NFATC1: variants seen among roughly 807,000 people sequenced by gnomAD.
The protein encoded by NFATC1 is nuclear factor of activated T-cells, cytoplasmic 1.
A neutral mutation model predicts 76.0 loss-of-function variants in NFATC1; 22 were observed. That is an observed-to-expected ratio of 0.29 (90% CI 0.21 to 0.41). The LOEUF (loss-of-function observed/expected upper bound fraction) is 0.41, where lower values mean the gene tolerates loss of function less well. Among genes scored for constraint, NFATC1 ranks in the 10% least tolerant of loss-of-function variants. The pLI, the probability that NFATC1 is intolerant of heterozygous loss-of-function variation, is 1.00. For missense variants in NFATC1, 1,357 were observed against 1,337.7 expected, an observed-to-expected ratio of 1.01 and a Z score of -0.23; for synonymous variants, 704 against 613.1, an observed-to-expected ratio of 1.15 and a Z score of -2.19.
rs1018326134 is a variant in NFATC1 at position 79,452,585 on chromosome 18, C to T, written c.1903+769C>T. Among the ~76,000 whole-genome samples, 9 of 152,332 alleles carry T rather than the reference C, an allele frequency of 5.9e-5. No homozygotes were observed. The South Asian group carries it at 6.2e-4, about 11-fold the overall frequency. On this transcript the variant is annotated intron_variant, in intron 6 of 9. Coordinates refer to ENST00000427363, the MANE Select transcript of NFATC1 (RefSeq NM_001278669.2). Reference sequence around the variant, plus strand: ...TCTCATCCCAGAGGGGTGGCCTCGCCGGCTCCGAGCAGAGTGTGTGAAGAC... The same window carrying T: ...TCTCATCCCAGAGGGGTGGCCTCGCTGGCTCCGAGCAGAGTGTGTGAAGAC...
rs745654274 is a variant in NFATC1, at chr18:79,410,508, G to C, written c.233G>C (p.Gly78Ala). 4 of 1,611,690 alleles carry C rather than the reference G, an allele frequency of 2.5e-6. No homozygotes were observed. The highest frequency in any genetic ancestry group is 2.7e-5 in the African/African-American group (2 of 74,898). The change falls in exon 2 of 10, where the codon GGC becomes GCC. Residue 78 changes from glycine (G) to alanine (A), a missense_variant. Around this residue, in one of 3 missense-constraint regions of NFATC1, gnomAD observed 691 missense variants for 613.1 expected, o/e 1.13. Transcript: ENST00000427363. This position sits in a 1 kb window ranked among gnomAD's most constrained non-coding sequence, Gnocchi z 6.7. ...PCHNLQTSTPGIIPPADHPSG... is the reference protein window; with the variant it reads ...PCHNLQTSTPAIIPPADHPSG... Reference sequence around the variant, plus strand: ...CACAACCTTCAGACCTCCACACCGGGCATCATCCCGCCGGCGGATCACCCC... The same window carrying C: ...CACAACCTTCAGACCTCCACACCGGCCATCATCCCGCCGGCGGATCACCCC...
At chr18:79,466,247 A>G (rs2088487711) in intron 7 of NFATC1, among the ~76,000 whole-genome samples, 1 of 152,236 alleles carries the variant, frequency 6.6e-6, no homozygotes, top group Non-Finnish European at 1.5e-5. Context: ...CAATTTGGCT[A>G]AGTTAGGTGC....
chr18:79,450,566 T>A (rs2144778416), intron 4 of NFATC1, among the ~76,000 whole-genome samples: 1 of 152,258 alleles, frequency 6.6e-6, no homozygotes, highest in East Asian at 1.9e-4. Flanking sequence ...TCTCTGCCGC[T>A]CTGGTGACAT....
chr18:79,510,485 C>T (rs1380872344), intron 9 of NFATC1, among the ~76,000 whole-genome samples: 1 of 152,206 alleles, frequency 6.6e-6, no homozygotes, highest in Non-Finnish European at 1.5e-5. Context: ...GTGGTTGCCA[C>T]AGGCGTGGTG....
At chr18:79,432,893 C>T (rs894887189) in intron 2 of NFATC1, among the ~76,000 whole-genome samples, 1 of 152,200 alleles carries the variant, frequency 6.6e-6, no homozygotes, top group African/African-American at 2.4e-5. Flanking sequence ...CCCAGCTGGG[C>T]TGTAGGCTCT....
intron 7 of NFATC1, among the ~76,000 whole-genome samples, chr18:79,462,343 T>C (rs2144876589): frequency 6.6e-6 from 1 of 152,312 alleles, no homozygotes; most frequent in East Asian, 1.9e-4. Context: ...TTTGTTTGTT[T>C]TTGTTTTTTT....
intron 9 of NFATC1, among the ~76,000 whole-genome samples, chr18:79,504,225 G>A (rs566814066): frequency 8.5e-5 from 13 of 152,330 alleles, no homozygotes; most frequent in Admixed American, 7.2e-4. Context: ...AGCCTGTCTC[G>A]GCTTTCGACG....
In NFATC1 at chr18:79,486,758, G is replaced by A. The variant is rs751771633; in HGVS notation, c.2603G>A (p.Cys868Tyr). The A allele has an allele frequency of 2.5e-6, 4 of 1,604,220 alleles. No individual in the cohort carries two copies. Among genetic ancestry groups the A allele is most frequent in the Non-Finnish European group, 3.4e-6 (4 of 1,176,888 alleles). Residue 868 changes from cysteine (C) to tyrosine (Y), a missense_variant, in exon 9 of 10, where the codon TGC becomes TAC. Cys to Tyr is a radical substitution (Grantham distance 194). Transcript: ENST00000427363. ...TGCCTGCAGCCCTGCAGCCCAGCGT[G>A]CCCGCCCGCCACGGGCCGCCCGCAG... ...PTCLQPCSPA[C>Y]PPATGRPQHL...
rs1182386075 is a variant in NFATC1 at position 79,410,932 on chromosome 18, G to A, written c.657G>A (p.Glu219=). 6.2e-7 allele frequency: 1 copy of A among 1,604,822 alleles called. No individual in the cohort carries two copies. The highest frequency in any genetic ancestry group is 1.1e-5 in the South Asian group (1 of 90,218). The change falls in exon 2 of 10, where the codon GAG becomes GAA. Residue 219 remains glutamate (E), a synonymous_variant. Transcript: ENST00000427363. The surrounding 1 kb of genome is among the most constrained non-coding windows in gnomAD (Gnocchi z 6.7). ...CVSPKTTDPE[E]GFPRGLGACT... is the part of the protein sequence containing the mutation. Reference sequence around the variant, plus strand: ...CTCCCAAGACCACGGACCCCGAGGAGGGCTTTCCCCGCGGGCTGGGGGCCT... The same window carrying A: ...CTCCCAAGACCACGGACCCCGAGGAAGGCTTTCCCCGCGGGCTGGGGGCCT...
At chr18:79,433,208 G>A (rs1282272977) in intron 2 of NFATC1, among the ~76,000 whole-genome samples, 2 of 152,226 alleles carry the variant, frequency 1.3e-5, no homozygotes, top group African/African-American at 4.8e-5. Flanking sequence ...GGTTCATAGC[G>A]AGGAGAGGTT....
At chr18:79,456,815 G>A (rs1256964560) in intron 6 of NFATC1, among the ~76,000 whole-genome samples, 2 of 152,218 alleles carry the variant, frequency 1.3e-5, no homozygotes, top group African/African-American at 2.4e-5. Flanking sequence ...TGGCATCTCC[G>A]TGGTGTGCCC....
intron 9 of NFATC1, among the ~76,000 whole-genome samples, chr18:79,505,939 T>G (rs1462983032): frequency 6.6e-6 from 1 of 152,084 alleles, no homozygotes; most frequent in Non-Finnish European, 1.5e-5. Flanking sequence ...GACGAGCCCC[T>G]TGGGTGATGG....
At chr18:79,485,492 C>T (rs543835837) in intron 8 of NFATC1, among the ~76,000 whole-genome samples, 1 of 152,376 alleles carries the variant, frequency 6.6e-6, no homozygotes, top group South Asian at 2.1e-4. Flanking sequence ...GAAGCCGGCA[C>T]AAAGGCTGGG....
At chr18:79,482,986 G>A (rs2089348287) in intron 8 of NFATC1, among the ~76,000 whole-genome samples, 1 of 137,242 alleles carries the variant, frequency 7.3e-6, no homozygotes, top group South Asian at 2.4e-4. Flanking sequence ...TGTAATTCTA[G>A]CGTGACCTGG....
intron 2 of NFATC1, among the ~76,000 whole-genome samples, chr18:79,418,326 G>A (rs2148224995): frequency 6.6e-6 from 1 of 152,318 alleles, no homozygotes; most frequent in Non-Finnish European, 1.5e-5. Context: ...GTCCAGGGTG[G>A]CCTAGTCACA....
intron 9 of NFATC1, chr18:79,493,802 G>T (rs776936960): frequency 1.3e-5 from 2 of 152,298 alleles, no homozygotes; most frequent in African/African-American, 4.8e-5. Flanking sequence ...AGCGGACTCA[G>T]CCGTGCAAAT....
At position 79,488,549 on chromosome 18, in the gene NFATC1, G is replaced by A. The variant is rs540536646; in HGVS notation, c.2782+1612G>A. Among the ~76,000 whole-genome samples, 9 of 152,126 alleles carry A rather than the reference G, an allele frequency of 5.9e-5. 1 individual carries two copies. Among genetic ancestry groups the A allele is most frequent in the Admixed American group, 4.6e-4 (7 of 15,276 alleles). On this transcript the variant is annotated intron_variant, in intron 9 of 9. Transcript: ENST00000427363. ...GTGTTCCGTGTCCTGTGCAGATGTCGTCCTGAAGTTCTTACTGTCTGACCT... is the reference window on the plus strand; with the variant it reads ...GTGTTCCGTGTCCTGTGCAGATGTCATCCTGAAGTTCTTACTGTCTGACCT...
intron 6 of NFATC1, among the ~76,000 whole-genome samples, chr18:79,457,393 T>C (rs1261449927): frequency 6.6e-6 from 1 of 152,130 alleles, no homozygotes; most frequent in Non-Finnish European, 1.5e-5. Flanking sequence ...TCCCCCTGCC[T>C]GGGCCCCGCT....
At chr18:79,526,163 A>T (rs1244963340) in intron 9 of NFATC1, among the ~76,000 whole-genome samples, 1 of 152,008 alleles carries the variant, frequency 6.6e-6, no homozygotes, top group East Asian at 1.9e-4. Flanking sequence ...TGCCGTGCGC[A>T]CTCTGGGACA....
Sources: gnomAD v4.1 joint callset for allele counts (sites outside exome capture counted in the v4.1 genomes callset) on GRCh38, gnomAD v4.1.1 for gene constraint, gnomAD v4.1.1 regional missense constraint, Gnocchi (gnomAD v3.1) non-coding constraint, MANE v1.5 for transcripts, NCBI Gene and HGNC (gene_info 2026-07-23, HGNC 2026-07-21) for gene names.